LHFPL3: variants seen among roughly 807,000 people sequenced by gnomAD.
LHFPL3 encodes the protein LHFPL tetraspan subfamily member 3.
A neutral mutation model predicts 19.3 loss-of-function variants in LHFPL3; 5 were observed. The ratio of observed to expected loss-of-function variants is 0.26; its 90% CI spans 0.14 to 0.54. The LOEUF (loss-of-function observed/expected upper bound fraction) is 0.54, where lower values mean the gene tolerates loss of function less well. LHFPL3 is among the 20% of genes least tolerant of loss of function. The pLI is 0.94. For synonymous variants in LHFPL3, 133 were observed against 126.2 expected, an observed-to-expected ratio of 1.05 and a Z score of -0.36; for missense variants, 249 against 307.4, an observed-to-expected ratio of 0.81 and a Z score of 1.42.
chr7:104,420,820 C>G (rs906460522), intron 1 of LHFPL3, among the ~76,000 whole-genome samples: 2 of 151,964 alleles, frequency 1.3e-5, no homozygotes, highest in African/African-American at 4.8e-5. Context: ...TCTCGGCCTC[C>G]CAAAGTGCTG....
chr7:104,736,872 G>A lies in LHFPL3; in HGVS notation c.643G>A (p.Asp215Asn). The change falls in exon 2 of 3, where the codon GAC becomes AAC. Residue 215 changes from aspartate (D) to asparagine (N), a missense_variant. Asp to Asn is a conservative substitution (Grantham distance 23). Transcript: ENST00000424859. The part of the protein sequence containing the change: ...FLAFVLGNRQ[D>N]SLMAEELKAE... ...AGCATTTGTGCTTGGTAATCGACAAGACAGCTTGATGGCAGAGGAACTGAA... is the reference window on the plus strand; with the variant it reads ...AGCATTTGTGCTTGGTAATCGACAAAACAGCTTGATGGCAGAGGAACTGAA... 1.2e-6 allele frequency: 2 copies of A among 1,610,832 alleles called. No homozygotes were observed. Among genetic ancestry groups the A allele is most frequent in the Non-Finnish European group, 1.7e-6 (2 of 1,178,546 alleles).
intron 1 of LHFPL3, among the ~76,000 whole-genome samples, chr7:104,708,311 T>G (rs557686308): frequency 6.6e-6 from 1 of 152,220 alleles, no homozygotes; most frequent in African/African-American, 2.4e-5. Flanking sequence ...AGGAAACATA[T>G]CTTTCACTCT....
At chr7:104,640,105 T>C (rs752268182) in intron 1 of LHFPL3, among the ~76,000 whole-genome samples, 1 of 152,194 alleles carries the variant, frequency 6.6e-6, no homozygotes, top group Non-Finnish European at 1.5e-5. Flanking sequence ...AGAAATGTAC[T>C]TCTTTAAAAT....
At position 104,649,336 on chromosome 7, in the gene LHFPL3, T is replaced by C. The variant is rs190760705; in HGVS notation, c.446-87339T>C. The stretch of plus-strand genomic sequence containing the variant: ...CTGTGGGAGCACAGAGCAGGAATCA[T>C]GCGGTCCCACCAGAGGATCCTGGAG... On this transcript the variant is annotated intron_variant, in intron 1 of 2. Coordinates refer to ENST00000424859, the MANE Select transcript of LHFPL3 (RefSeq NM_199000.3). Among the ~76,000 whole-genome samples, 3 of 152,296 alleles carry C rather than the reference T, an allele frequency of 2.0e-5. No individual in the cohort carries two copies. In the East Asian group the frequency reaches 5.8e-4, roughly 29 times the overall value.
chr7:104,429,396 C>A (rs1032613051), intron 1 of LHFPL3, among the ~76,000 whole-genome samples: 3 of 148,328 alleles, frequency 2.0e-5, no homozygotes, highest in African/African-American at 5.0e-5. Context: ...CAACCTCCTC[C>A]TTCTGGGTTC....
intron 1 of LHFPL3, among the ~76,000 whole-genome samples, chr7:104,610,399 A>AAGAG (rs147861540): frequency 6.6e-6 from 1 of 150,852 alleles, no homozygotes; most frequent in African/African-American, 2.4e-5. Flanking sequence ...AGAAACAGAA[A>AAGAG]AGAGAGAGAG....
intron 1 of LHFPL3, among the ~76,000 whole-genome samples, chr7:104,628,416 T>C (rs1439591473): frequency 1.3e-5 from 2 of 152,150 alleles, no homozygotes; most frequent in East Asian, 3.9e-4. Flanking sequence ...TACTGGCAAA[T>C]AAAGTTGTAG....
At chr7:104,763,512 C>T (rs1016619042) in intron 2 of LHFPL3, among the ~76,000 whole-genome samples, 1 of 152,244 alleles carries the variant, frequency 6.6e-6, no homozygotes, top group Non-Finnish European at 1.5e-5. Context: ...CCGCGTTACT[C>T]AGACTCCCTG....
At chr7:104,350,270 A>G (rs530412506) in intron 1 of LHFPL3, among the ~76,000 whole-genome samples, 13 of 152,196 alleles carry the variant, frequency 8.5e-5, no homozygotes, top group Non-Finnish European at 1.0e-4. Context: ...ATGAGTTGCT[A>G]CTGTATTGGG....
At chr7:104,697,258 C>T (rs2116159327) in intron 1 of LHFPL3, among the ~76,000 whole-genome samples, 1 of 152,248 alleles carries the variant, frequency 6.6e-6, no homozygotes, top group South Asian at 2.1e-4. Context: ...CAGTCTATAG[C>T]AAACACCCTC....
intron 2 of LHFPL3, among the ~76,000 whole-genome samples, chr7:104,776,433 G>T (rs773787816): frequency 6.6e-6 from 1 of 152,118 alleles, no homozygotes; most frequent in East Asian, 1.9e-4. Context: ...TGTAGTCAAG[G>T]CACCAGAATT....
At chr7:104,608,681 A>G (rs1397734809) in intron 1 of LHFPL3, among the ~76,000 whole-genome samples, 1 of 152,198 alleles carries the variant, frequency 6.6e-6, no homozygotes. Context: ...AAGGGGTGCC[A>G]AGCCTAAGAC....
chr7:104,564,768 C>G (rs1379669202), intron 1 of LHFPL3, among the ~76,000 whole-genome samples: 1 of 152,266 alleles, frequency 6.6e-6, no homozygotes, highest in South Asian at 2.1e-4. Context: ...CTGCTGGGAC[C>G]TCTGCTTCTG....
chr7:104,622,964 A>G (rs759417259), intron 1 of LHFPL3: 4 of 321,572 alleles, frequency 1.2e-5, no homozygotes, highest in Non-Finnish European at 2.6e-5. Flanking sequence ...TTTATCTGTC[A>G]TTTTTATTAT....
At chr7:104,377,258 G>C (rs559414423) in intron 1 of LHFPL3, among the ~76,000 whole-genome samples, 1 of 152,268 alleles carries the variant, frequency 6.6e-6, no homozygotes, top group African/African-American at 2.4e-5. Flanking sequence ...TAGGAAAGGT[G>C]ACTGAGAGAG....
At chr7:104,637,404 T>G (rs923263997) in intron 1 of LHFPL3, among the ~76,000 whole-genome samples, 3 of 152,232 alleles carry the variant, frequency 2.0e-5, no homozygotes, top group Admixed American at 6.5e-5. Context: ...ATTTGTTAAT[T>G]CTTGCTTTTG....
chr7:104,873,649 C>A (rs908692623), intron 2 of LHFPL3, among the ~76,000 whole-genome samples: 1 of 151,964 alleles, frequency 6.6e-6, no homozygotes, highest in African/African-American at 2.4e-5. Context: ...GAAAAAAAAA[C>A]TGAAACTGGT....
At chr7:104,530,304 G>C (rs1486107313) in intron 1 of LHFPL3, among the ~76,000 whole-genome samples, 1 of 152,184 alleles carries the variant, frequency 6.6e-6, no homozygotes, top group Non-Finnish European at 1.5e-5. Context: ...CTCAAATATA[G>C]CTGAAATCAC....
intron 1 of LHFPL3, among the ~76,000 whole-genome samples, chr7:104,338,552 T>C (rs1371638802): frequency 1.3e-5 from 2 of 152,224 alleles, no homozygotes; most frequent in Non-Finnish European, 1.5e-5. Flanking sequence ...TTTAGGAAAA[T>C]AATCATTTCT....
Sources: allele counts gnomAD v4.1 joint callset (sites outside exome capture counted in the v4.1 genomes callset), GRCh38; gene constraint gnomAD v4.1.1; transcripts MANE v1.5; gene names NCBI Gene and HGNC (gene_info 2026-07-23, HGNC 2026-07-21).